Variants in DMD observed in about 807,000 individuals in gnomAD.
The protein encoded by DMD is mutant dystrophin.
In DMD, 63 loss-of-function variants were observed where a neutral mutation model predicts 330.1. The observed-to-expected ratio is 0.19, with a 90% CI of 0.16 to 0.24. The LOEUF (loss-of-function observed/expected upper bound fraction) is 0.24. Among genes scored for constraint, DMD ranks in the 10% least tolerant of loss-of-function variants. DMD has a pLI of 1.00. For missense variants in DMD, 3,344 were observed against 2,684.1 expected (o/e 1.25, Z -5.43); for synonymous variants, 1,223 against 959.8 (o/e 1.27, Z -5.07).
chrX:32,334,828 C>A (rs767199616), intron 41 of DMD, among the ~76,000 whole-genome samples: 29 of 111,667 alleles, frequency 2.6e-4, no homozygotes, highest in Non-Finnish European at 4.9e-4. Context: ...GCATATCAAA[C>A]GCACTAGAAA....
intron 29 of DMD, among the ~76,000 whole-genome samples, chrX:32,418,567 G>A (rs1239345034): frequency 9.0e-6 from 1 of 111,275 alleles, no homozygotes; most frequent in African/African-American, 3.3e-5. Flanking sequence ...CTTGCCTACT[G>A]ATTGGTAACT....
chrX:32,196,846 C>T (rs947662205), intron 44 of DMD, among the ~76,000 whole-genome samples: 5 of 108,803 alleles, frequency 4.6e-5, no homozygotes, highest in African/African-American at 1.7e-4. Context: ...ATTAGCGGGG[C>T]GTGGTAGCCA....
At position 31,832,952 on chromosome X, in the gene DMD, T is replaced by A. The variant is rs192218027; in HGVS notation, c.7200+3766A>T. On this transcript the variant is annotated intron_variant, in intron 49 of 78. Transcript: ENST00000357033. ...AAGCTCAAGACAGTTAAAAATACAATTTTATAATAAAAATCAAATAACAAA... is the reference window on the plus strand; with the variant it reads ...AAGCTCAAGACAGTTAAAAATACAAATTTATAATAAAAATCAAATAACAAA... Among the ~76,000 whole-genome samples, 235 of 111,609 alleles carry A rather than the reference T, an allele frequency of 2.1e-3. 1 individual carries two copies. The highest frequency in any genetic ancestry group is 7.3e-3 in the African/African-American group (224 of 30,754).
At chrX:33,236,425 C>A (rs2052485394) in intron 1 of DMD, among the ~76,000 whole-genome samples, 1 of 108,998 alleles carries the variant, frequency 9.2e-6, no homozygotes, top group Non-Finnish European at 1.9e-5. Flanking sequence ...CCACCACACC[C>A]AGCTAATTGT....
At chrX:31,622,154 A>T (rs975492532) in intron 55 of DMD, among the ~76,000 whole-genome samples, 5 of 111,501 alleles carry the variant, frequency 4.5e-5, no homozygotes, top group African/African-American at 1.6e-4. Context: ...TCTCTACTGT[A>T]ATTCTCATAA....
intron 44 of DMD, among the ~76,000 whole-genome samples, chrX:32,205,026 C>T (rs1419170936): frequency 4.8e-5 from 4 of 83,858 alleles, no homozygotes; most frequent in Non-Finnish European, 9.6e-5. Flanking sequence ...CACACACACA[C>T]ACACACACAC....
chrX:32,766,235 A>G (rs1351247229), intron 7 of DMD, among the ~76,000 whole-genome samples: 1 of 111,436 alleles, frequency 9.0e-6, no homozygotes, highest in Non-Finnish European at 1.9e-5. Context: ...CAGAAAAACT[A>G]ATTGGGATTT....
chrX:32,641,535 T>G (rs778540972), intron 11 of DMD: 2 of 157,598 alleles, frequency 1.3e-5, no homozygotes, highest in Admixed American at 1.2e-4. Flanking sequence ...GAAAAAAACA[T>G]GATTACTTTT....
intron 2 of DMD, among the ~76,000 whole-genome samples, chrX:32,952,259 G>A (rs984937706): frequency 7.3e-5 from 8 of 109,760 alleles, no homozygotes; most frequent in Admixed American, 3.9e-4. Context: ...TCAGCTCCCC[G>A]AGTAGCTGGG....
chrX:32,181,136 T>G (rs2096925728), intron 44 of DMD, among the ~76,000 whole-genome samples: 1 of 111,817 alleles, frequency 8.9e-6, no homozygotes, highest in Non-Finnish European at 1.9e-5. Context: ...GCATCATACG[T>G]TTTCGAGAGT....
intron 44 of DMD, among the ~76,000 whole-genome samples, chrX:32,093,684 T>C (rs995666801): frequency 3.6e-5 from 4 of 111,593 alleles, no homozygotes; most frequent in African/African-American, 1.3e-4. Flanking sequence ...ATGTCACTTT[T>C]GTGCTTTGAG....
At chrX:33,015,880 TG>T (rs1282519128) in intron 2 of DMD, among the ~76,000 whole-genome samples, 4 of 111,057 alleles carry the variant, frequency 3.6e-5, no homozygotes, top group Non-Finnish European at 5.7e-5. Context: ...AAGAGGTAAA[TG>T]AACTATTGTG....
At chrX:31,365,603 AC>A (rs1489846351) in intron 60 of DMD, among the ~76,000 whole-genome samples, 1 of 111,838 alleles carries the variant, frequency 8.9e-6, no homozygotes, top group African/African-American at 3.3e-5. Context: ...CCTAAGAGAT[AC>A]CCCCTATGTC....
chrX:32,351,085 C>T (rs2097780203), intron 37 of DMD, among the ~76,000 whole-genome samples: 1 of 110,473 alleles, frequency 9.1e-6, no homozygotes, highest in African/African-American at 3.3e-5. Context: ...TTACTAAGAT[C>T]AAATATGTTA....
intron 60 of DMD, among the ~76,000 whole-genome samples, chrX:31,377,283 G>C (rs2059931413): frequency 8.9e-6 from 1 of 111,750 alleles, no homozygotes; most frequent in South Asian, 3.7e-4. Flanking sequence ...GAAAGGCAGA[G>C]GTTATGGGAA....
intron 51 of DMD, among the ~76,000 whole-genome samples, chrX:31,755,645 C>T (rs1045645264): frequency 2.7e-5 from 3 of 111,868 alleles, no homozygotes; most frequent in African/African-American, 9.7e-5. Flanking sequence ...TTTAAAATAA[C>T]CTCCACTATA....
chrX:32,765,221 T>C (rs1284146135), intron 7 of DMD, among the ~76,000 whole-genome samples: 1 of 111,131 alleles, frequency 9.0e-6, no homozygotes, highest in Non-Finnish European at 1.9e-5. Flanking sequence ...TAATCCCCAA[T>C]GTTGGAGTTG....
At chrX:31,892,843 A>G (rs1391789033) in intron 47 of DMD, among the ~76,000 whole-genome samples, 3 of 112,493 alleles carry the variant, frequency 2.7e-5, no homozygotes, top group Non-Finnish European at 5.6e-5. Flanking sequence ...CATTACACAT[A>G]GCATGACTGT....
intron 2 of DMD, among the ~76,000 whole-genome samples, chrX:32,934,285 C>T (rs756266105): frequency 3.6e-5 from 4 of 111,418 alleles, no homozygotes; most frequent in Non-Finnish European, 5.7e-5. Flanking sequence ...GGAAGTGAGG[C>T]ACACTGACTT....
Sources: gnomAD v4.1 joint callset for allele counts (sites outside exome capture counted in the v4.1 genomes callset) on GRCh38, gnomAD v4.1.1 for gene constraint, MANE v1.5 for transcripts, NCBI Gene and HGNC (gene_info 2026-07-23, HGNC 2026-07-21) for gene names.